The following POT1 variants were observed in gnomAD, a reference collection of about 807,000 sequenced individuals.
POT1 encodes protection of telomeres 1.
In POT1, 47 loss-of-function variants were observed where a neutral mutation model predicts 78.5. That is an observed-to-expected ratio of 0.60 (90% CI 0.47 to 0.76). POT1 has a LOEUF of 0.76. POT1 is among the 30% of genes least tolerant of loss of function. The pLI, the probability that POT1 is intolerant of heterozygous loss-of-function variation, is 0.00. For synonymous variants in POT1, 259 were observed against 260.7 expected, an observed-to-expected ratio of 0.99 and a Z score of 0.06; for missense variants, 646 against 749.9, an observed-to-expected ratio of 0.86 and a Z score of 1.62.
intron 5 of POT1, among the ~76,000 whole-genome samples, chr7:124,894,262 G>T (rs2116634893): frequency 6.6e-6 from 1 of 151,340 alleles, no homozygotes; most frequent in Non-Finnish European, 1.5e-5. Flanking sequence ...GCTCATCAAT[G>T]ATTAAAAAAA....
At position 124,856,164 on chromosome 7, in the gene POT1, C is replaced by T. The variant is rs549749899; in HGVS notation, c.702+2793G>A. 1.1e-4 allele frequency among the ~76,000 whole-genome samples: 17 copies of T among 152,194 alleles called. No homozygotes were observed. The East Asian group carries it at 1.9e-3, about 17-fold the overall frequency. On this transcript the variant is annotated intron_variant, in intron 9 of 18. Transcript: ENST00000357628. Reference sequence around the variant, plus strand: ...CTGTTTCTATACAACAAAAGTCTTTCGTACTGGTTCCAGGTATTTTGACAC... The same window carrying T: ...CTGTTTCTATACAACAAAAGTCTTTTGTACTGGTTCCAGGTATTTTGACAC...
At chr7:124,847,035 A>G in intron 11 of POT1, 37 bp from the exon 12 acceptor site, 1 of 1,412,020 alleles carries the variant, frequency 7.1e-7, no homozygotes, top group East Asian at 2.3e-5. Context: ...TAAGTCCATT[A>G]CAACTTCATT....
rs1479799328 is a variant in POT1 at position 124,859,017 on chromosome 7, T to C, written c.642A>G (p.Gln214=). The C allele has an allele frequency of 1.2e-6, 2 of 1,611,034 alleles. No homozygotes were observed. The highest frequency in any genetic ancestry group is 3.3e-4 in the Middle Eastern group (2 of 6,052). ...EGDLSHIHRL[Q]NLTIDILVYD... The stretch of plus-strand genomic sequence containing the variant: ...AGACTAAAATGTCTATTGTCAGATT[T>C]TGTAGCCGATGGATGTGACTTAAAT... The change falls in exon 9 of 19, where the codon CAA becomes CAG. Residue 214 remains glutamine (Q), a synonymous_variant. Coordinates refer to ENST00000357628, the MANE Select transcript of POT1 (RefSeq NM_015450.3).
intron 2 of POT1, among the ~76,000 whole-genome samples, chr7:124,918,213 C>A (rs959795036): frequency 3.9e-5 from 6 of 152,182 alleles, no homozygotes; most frequent in African/African-American, 1.4e-4. Context: ...CTGAGGCAGT[C>A]TCTCTGAAAA....
intron 6 of POT1, among the ~76,000 whole-genome samples, chr7:124,881,593 T>C (rs1017152987): frequency 1.3e-5 from 2 of 151,978 alleles, no homozygotes; most frequent in African/African-American, 4.8e-5. Context: ...TTTTAACAAA[T>C]AGTAACAATG....
At chr7:124,864,327 C>T (rs1233636418) in intron 7 of POT1, among the ~76,000 whole-genome samples, 3 of 152,042 alleles carry the variant, frequency 2.0e-5, no homozygotes, top group Non-Finnish European at 2.9e-5. Flanking sequence ...ATTTAAAGTG[C>T]ATTTCTCATA....
chr7:124,913,496 C>G (rs1215944192), intron 3 of POT1, among the ~76,000 whole-genome samples: 1 of 152,096 alleles, frequency 6.6e-6, no homozygotes, highest in Non-Finnish European at 1.5e-5. Context: ...CTTAATTTAT[C>G]AATTTTTCCT....
At chr7:124,846,875 T>TA in intron 12 of POT1, 67 bp downstream of exon 12, 1 of 1,080,810 alleles carries the variant, frequency 9.3e-7, no homozygotes, top group Non-Finnish European at 1.4e-6. Context: ...GATTAGCTGG[T>TA]AAGTGTAGAG....
chr7:124,920,338 C>G (rs1797119046), intron 2 of POT1, among the ~76,000 whole-genome samples: 1 of 152,064 alleles, frequency 6.6e-6, no homozygotes, highest in South Asian at 2.1e-4. Flanking sequence ...AGGCTACATG[C>G]TGTATAATGC....
chr7:124,881,392 A>G (rs1042879944), intron 6 of POT1, among the ~76,000 whole-genome samples: 25 of 152,024 alleles, frequency 1.6e-4, no homozygotes, highest in Non-Finnish European at 1.5e-5. Context: ...TTTATTTTTA[A>G]TTTAAATAAG....
In POT1 at chr7:124,826,999, T is replaced by C. The variant is rs80348760; in HGVS notation, c.1686+215A>G. Among the ~76,000 whole-genome samples the C allele has an allele frequency of 0.018, 2,688 of 152,312 alleles. 63 individuals carry two copies. Among genetic ancestry groups the C allele is most frequent in the African/African-American group, 0.062 (2,570 of 41,564 alleles). On this transcript the variant is annotated intron_variant, in intron 17 of 18. Coordinates refer to ENST00000357628, the MANE Select transcript of POT1 (RefSeq NM_015450.3). Reference sequence around the variant, plus strand: ...TAGGGAATGACTCTTTAAATCCCTGTTCCTTAATTTTTCACTATTCAAATG... The same window carrying C: ...TAGGGAATGACTCTTTAAATCCCTGCTCCTTAATTTTTCACTATTCAAATG...
chr7:124,891,280 G>A (rs898201304), intron 6 of POT1, among the ~76,000 whole-genome samples: 1 of 151,622 alleles, frequency 6.6e-6, no homozygotes, highest in Non-Finnish European at 1.5e-5. Flanking sequence ...ACTGCCTGTT[G>A]TGACAGTTTT....
At chr7:124,885,415 T>A (rs1055586433) in intron 6 of POT1, among the ~76,000 whole-genome samples, 1 of 149,758 alleles carries the variant, frequency 6.7e-6, no homozygotes, top group Non-Finnish European at 1.5e-5. Context: ...GAGGCTGAGG[T>A]GAGCTATGAT....
chr7:124,914,891 G>C (rs1584525880), intron 3 of POT1, among the ~76,000 whole-genome samples: 1 of 152,192 alleles, frequency 6.6e-6, no homozygotes. Flanking sequence ...TTTTCTACAA[G>C]TATCTGTTAC....
In POT1 at chr7:124,831,469, TA is replaced by T. The variant is rs1425285731; in HGVS notation, c.1506-2128del. 6.6e-5 allele frequency among the ~76,000 whole-genome samples: 10 copies of T among 152,276 alleles called. No homozygotes were observed. In the East Asian group the frequency reaches 1.7e-3, roughly 26 times the overall value. On this transcript the variant is annotated intron_variant, in intron 15 of 18. Transcript: ENST00000357628. ...GGAAACAACACTGACCCTTACTGTG[TA>T]AAATGTTCTCTATTATCCATTCCCT...
intron 6 of POT1, among the ~76,000 whole-genome samples, chr7:124,884,661 GCAAA>G (rs1796201590): frequency 6.6e-6 from 1 of 150,986 alleles, no homozygotes; most frequent in Admixed American, 6.6e-5. Flanking sequence ...AGAAGGAGAG[GCAAA>G]CAATGAATAT....
chr7:124,900,775 T>G (rs1005788095), intron 3 of POT1: 7 of 355,254 alleles, frequency 2.0e-5, no homozygotes, highest in Admixed American at 1.4e-4. Context: ...GGTCAGTACC[T>G]GGAACATCGG....
rs78751074 is a variant in POT1 at position 124,912,266 on chromosome 7, G to A, written c.-154+3308C>T. On this transcript the variant is annotated intron_variant, in intron 3 of 18. Transcript: ENST00000357628. ...AATTGGGGGAAAAAAAAAAAACTCA[G>A]TGGAATTAAGGGTTTTAACTCCAAG... Among the ~76,000 whole-genome samples the A allele has an allele frequency of 7.1e-4, 107 of 151,684 alleles. 2 individuals carry two copies. In the East Asian group the frequency reaches 0.019, roughly 27 times the overall value.
intron 2 of POT1, among the ~76,000 whole-genome samples, chr7:124,922,651 T>C (rs908963809): frequency 6.6e-6 from 1 of 151,916 alleles, no homozygotes; most frequent in African/African-American, 2.4e-5. Flanking sequence ...AAAACGGGTG[T>C]TGCTCAAAGC....
Sources: gnomAD v4.1 joint callset for allele counts (sites outside exome capture counted in the v4.1 genomes callset) on GRCh38, gnomAD v4.1.1 for gene constraint, MANE v1.5 for transcripts, NCBI Gene and HGNC (gene_info 2026-07-23, HGNC 2026-07-21) for gene names.